ROBO1: variants seen among roughly 807,000 people sequenced by gnomAD.
The protein encoded by ROBO1 is roundabout homolog 1.
Under a neutral mutation model 195.9 loss-of-function variants are expected in ROBO1, and 149 were observed. That is an observed-to-expected ratio of 0.76 (90% CI 0.67 to 0.87). The LOEUF (loss-of-function observed/expected upper bound fraction) is 0.87, where lower values mean the gene tolerates loss of function less well. Among genes scored for constraint, ROBO1 ranks in the 40% least tolerant of loss-of-function variants. The pLI is 0.00. For missense variants in ROBO1, 1,933 were observed against 2,068.3 expected (o/e 0.93, Z 1.27); for synonymous variants, 816 against 733.2 (o/e 1.11, Z -1.82).
chr3:79,046,058 A>G (rs1480291808), intron 3 of ROBO1, among the ~76,000 whole-genome samples: 1 of 152,010 alleles, frequency 6.6e-6, no homozygotes, highest in African/African-American at 2.4e-5. Flanking sequence ...CCTCTCTTTT[A>G]GTTTAGACTT....
At position 79,302,470 on chromosome 3, in the gene ROBO1, A is replaced by T. The variant is rs568485749; in HGVS notation, c.89-176931T>A. On this transcript the variant is annotated intron_variant, in intron 2 of 30. Transcript: ENST00000464233. The stretch of plus-strand genomic sequence containing the variant: ...TTTTACTAAATTGAAATCTCTCCCT[A>T]ATTCTCTAATTTGGAACTCTGTTAT... Among the ~76,000 whole-genome samples the T allele has an allele frequency of 5.9e-5, 9 of 152,292 alleles. No individual in the cohort carries two copies. In the East Asian group the frequency reaches 1.4e-3, roughly 23 times the overall value.
chr3:79,559,067 G>A (rs1439887800), intron 2 of ROBO1, among the ~76,000 whole-genome samples: 1 of 152,150 alleles, frequency 6.6e-6, no homozygotes, highest in Non-Finnish European at 1.5e-5. Context: ...ACAAATAGCT[G>A]AGGTTTAGCA....
At chr3:79,182,025 A>T (rs1230309446) in intron 2 of ROBO1, among the ~76,000 whole-genome samples, 1 of 151,628 alleles carries the variant, frequency 6.6e-6, no homozygotes, top group East Asian at 1.9e-4. Flanking sequence ...GGTATTGGAA[A>T]TCAAGGTCAG....
At chr3:79,185,333 G>T (rs2081418484) in intron 2 of ROBO1, among the ~76,000 whole-genome samples, 1 of 152,054 alleles carries the variant, frequency 6.6e-6, no homozygotes, top group Non-Finnish European at 1.5e-5. Flanking sequence ...GAGGTTAAGG[G>T]TTTATTCTAA....
chr3:78,673,562 T>TTTTA (rs1397758766), intron 10 of ROBO1, among the ~76,000 whole-genome samples: 16 of 63,372 alleles, frequency 2.5e-4, no homozygotes, highest in African/African-American at 6.7e-4. Context: ...TACATATATT[T>TTTTA]TATATATATA....
At chr3:78,781,037 T>C (rs1370612885) in intron 4 of ROBO1, among the ~76,000 whole-genome samples, 2 of 152,132 alleles carry the variant, frequency 1.3e-5, no homozygotes, top group Admixed American at 1.3e-4. Context: ...ACTTCCTTGG[T>C]ACATAAACAC....
At chr3:78,983,811 G>C (rs2108005963) in intron 3 of ROBO1, among the ~76,000 whole-genome samples, 2 of 152,296 alleles carry the variant, frequency 1.3e-5, no homozygotes, top group South Asian at 4.1e-4. Context: ...CTTGGTTTCA[G>C]CTGGAGGGCG....
intron 4 of ROBO1, among the ~76,000 whole-genome samples, chr3:78,851,595 G>A (rs765807055): frequency 1.3e-5 from 2 of 152,070 alleles, no homozygotes; most frequent in South Asian, 2.1e-4. Flanking sequence ...ATTAAATATG[G>A]TTAATAATTC....
At chr3:79,203,813 A>G (rs959722552) in intron 2 of ROBO1, among the ~76,000 whole-genome samples, 1 of 152,174 alleles carries the variant, frequency 6.6e-6, no homozygotes, top group Non-Finnish European at 1.5e-5. Flanking sequence ...TTACCGGAAT[A>G]TCATAGTAAC....
intron 3 of ROBO1, among the ~76,000 whole-genome samples, chr3:79,101,320 C>T (rs1396722916): frequency 2.0e-5 from 3 of 151,714 alleles, no homozygotes; most frequent in African/African-American, 7.3e-5. Context: ...GGGTGGACAG[C>T]GCAAACTCTT....
chr3:78,680,793 G>C (rs1205399149), intron 10 of ROBO1, among the ~76,000 whole-genome samples: 1 of 147,572 alleles, frequency 6.8e-6, no homozygotes, highest in Non-Finnish European at 1.5e-5. Context: ...CAGGGATCTA[G>C]AACTAGAAAT....
chr3:78,688,606 T>C (rs377103340), intron 9 of ROBO1, 42 bp downstream of exon 9: 2 of 1,523,476 alleles, frequency 1.3e-6, no homozygotes, highest in East Asian at 2.4e-5. Flanking sequence ...TTGGCAACCA[T>C]CTTTGCTGAT....
chr3:79,339,081 C>T (rs144573416), intron 2 of ROBO1, among the ~76,000 whole-genome samples: 4 of 152,208 alleles, frequency 2.6e-5, no homozygotes, highest in Non-Finnish European at 5.9e-5. Flanking sequence ...CAAAATATGT[C>T]CAGACTCTTA....
At chr3:79,023,565 A>G (rs1444764768) in intron 3 of ROBO1, among the ~76,000 whole-genome samples, 1 of 152,096 alleles carries the variant, frequency 6.6e-6, no homozygotes, top group East Asian at 1.9e-4. Flanking sequence ...TCTGCTACTT[A>G]AAACAGGTAA....
rs1222151084 is a variant in ROBO1 at position 79,723,860 on chromosome 3, G to A, written c.-51+43892C>T. Among the ~76,000 whole-genome samples the A allele has an allele frequency of 1.1e-4, 17 of 152,006 alleles. No individual in the cohort carries two copies. The South Asian group carries it at 2.3e-3, about 20-fold the overall frequency. ...CTTTAATATTATAAACCATGTTAAG[G>A]ATTAAATTATTATATGAGAAATATG... On this transcript the variant is annotated intron_variant, in intron 1 of 30. Transcript: ENST00000464233.
chr3:79,382,315 A>G (rs999621148), intron 2 of ROBO1, among the ~76,000 whole-genome samples: 6 of 152,188 alleles, frequency 3.9e-5, no homozygotes, highest in African/African-American at 1.4e-4. Context: ...ATCTAGCAAG[A>G]AGAAATAGAG....
chr3:79,207,824 C>A (rs1398174734), intron 2 of ROBO1, among the ~76,000 whole-genome samples: 1 of 149,922 alleles, frequency 6.7e-6, no homozygotes, highest in African/African-American at 2.5e-5. Flanking sequence ...CGGTTCATAT[C>A]TAATTTTGAG....
At chr3:78,607,683 T>G (rs1703547111) in intron 28 of ROBO1, among the ~76,000 whole-genome samples, 1 of 152,204 alleles carries the variant, frequency 6.6e-6, no homozygotes, top group Admixed American at 6.5e-5. Context: ...ATAACACTGC[T>G]AGTACCAGAT....
chr3:79,149,824 G>A (rs968210091), intron 2 of ROBO1, among the ~76,000 whole-genome samples: 1 of 151,736 alleles, frequency 6.6e-6, no homozygotes, highest in Non-Finnish European at 1.5e-5. Flanking sequence ...AGGCTCTGAT[G>A]AAACCCCAGT....
Sources: allele counts gnomAD v4.1 joint callset (sites outside exome capture counted in the v4.1 genomes callset), GRCh38; gene constraint gnomAD v4.1.1; transcripts MANE v1.5; gene names NCBI Gene and HGNC (gene_info 2026-07-23, HGNC 2026-07-21).